NNT: variants seen among roughly 807,000 people sequenced by gnomAD.
The protein encoded by NNT is nicotinamide nucleotide transhydrogenase.
A neutral mutation model predicts 104.8 loss-of-function variants in NNT; 50 were observed. The observed-to-expected ratio is 0.48, with a 90% CI of 0.38 to 0.60. NNT has a LOEUF of 0.60. Among genes scored for constraint, NNT ranks in the 20% least tolerant of loss-of-function variants. The pLI is 0.00. For synonymous variants in NNT, 461 were observed against 490.4 expected, an observed-to-expected ratio of 0.94 and a Z score of 0.79; for missense variants, 1,131 against 1,330.7, an observed-to-expected ratio of 0.85 and a Z score of 2.33.
chr5:43,675,223 TATTA>T (rs1741347292), intron 17 of NNT, among the ~76,000 whole-genome samples: 1 of 152,206 alleles, frequency 6.6e-6, no homozygotes, highest in Admixed American at 6.5e-5. Flanking sequence ...TTCATTAGTT[TATTA>T]ATTTTATTGA....
chr5:43,687,304 A>G (rs559368311), intron 19 of NNT, among the ~76,000 whole-genome samples: 4 of 152,196 alleles, frequency 2.6e-5, no homozygotes, highest in Non-Finnish European at 4.4e-5. Flanking sequence ...TTTTTTAAGC[A>G]TATACATAAT....
At chr5:43,604,016 G>A (rs1749073362) in intron 1 of NNT, among the ~76,000 whole-genome samples, 3 of 152,306 alleles carry the variant, frequency 2.0e-5, no homozygotes, top group East Asian at 1.9e-4. Context: ...TAGCGGTCTC[G>A]TGCAGATGCC....
Position 43,610,057 on chromosome 5 carries a change from A to G in NNT, c.151+711A>G, listed in dbSNP as rs572640406. ...ATTCAAAATTTGCCACTTGCTTCCT[A>G]GCTCTTACAGAGGAAGATCTGAAGT... is the stretch of plus-strand genomic sequence containing the variant. On this transcript the variant is annotated intron_variant, in intron 2 of 21. Transcript: ENST00000344920. Among the ~76,000 whole-genome samples, 46 of 152,274 alleles carry G rather than the reference A, an allele frequency of 3.0e-4. 1 individual carries two copies. The highest frequency in any genetic ancestry group is 2.4e-3 in the Admixed American group (37 of 15,294).
At chr5:43,651,975 G>A (rs1020920144) in intron 13 of NNT, 91 bp downstream of exon 13, 4 of 1,356,554 alleles carry the variant, frequency 2.9e-6, no homozygotes, top group East Asian at 2.3e-5. Flanking sequence ...TCAAAGTATC[G>A]AGCAAATACA....
chr5:43,636,622 A>G (rs1296667784), intron 7 of NNT, among the ~76,000 whole-genome samples: 1 of 152,146 alleles, frequency 6.6e-6, no homozygotes, highest in African/African-American at 2.4e-5. Context: ...TATTGCTTCA[A>G]TTTTTAAAGG....
intron 7 of NNT, among the ~76,000 whole-genome samples, chr5:43,631,056 C>A (rs536512292): frequency 1.3e-5 from 2 of 152,258 alleles, no homozygotes; most frequent in East Asian, 1.9e-4. Context: ...GGAAAACAAG[C>A]CTTCCAAATG....
In NNT at chr5:43,650,212, A is replaced by G. The variant is rs150376913; in HGVS notation, c.1607-265A>G. ...CGCTAGAAAGTTAAAAGAAAGTCCAATTCCAATGCAGAAGGAGAAAAAGTT... is the reference window on the plus strand; with the variant it reads ...CGCTAGAAAGTTAAAAGAAAGTCCAGTTCCAATGCAGAAGGAGAAAAAGTT... On this transcript the variant is annotated intron_variant, in intron 11 of 21. Coordinates refer to ENST00000344920, the MANE Select transcript of NNT (RefSeq NM_182977.3). Among the ~76,000 whole-genome samples the G allele has an allele frequency of 2.4e-4, 36 of 152,364 alleles. No individual in the cohort carries two copies. The East Asian group carries it at 6.0e-3, about 25-fold the overall frequency.
At chr5:43,700,999 A>G (rs1742820895) in intron 20 of NNT, among the ~76,000 whole-genome samples, 1 of 152,200 alleles carries the variant, frequency 6.6e-6, no homozygotes, top group Non-Finnish European at 1.5e-5. Context: ...TTCAGATTCC[A>G]CTGTTGTTAA....
chr5:43,682,105 A>G (rs75065233), intron 19 of NNT, among the ~76,000 whole-genome samples: 10,977 of 151,744 alleles, frequency 0.072, 530 homozygotes, highest in Non-Finnish European at 0.11. Flanking sequence ...CTTGTGTAAT[A>G]TGGCTATAAG....
At chr5:43,610,984 C>A (rs1387495190) in intron 2 of NNT, among the ~76,000 whole-genome samples, 1 of 151,906 alleles carries the variant, frequency 6.6e-6, no homozygotes, top group Non-Finnish European at 1.5e-5. Context: ...AGTTCATTAC[C>A]ATATTGAAAA....
chr5:43,612,929 C>T lies in NNT; in HGVS notation c.173C>T (p.Thr58Ile). Residue 58 changes from threonine (T) to isoleucine (I), a missense_variant, in exon 3 of 22, where the codon ACT (threonine) becomes ATT (isoleucine). Physicochemically the swap from Thr to Ile is moderately conservative, Grantham distance 89. Coordinates refer to ENST00000344920, the MANE Select transcript of NNT (RefSeq NM_182977.3). ...VKPGIPYKQLTVGVPKEIFQN... is the reference protein window; with the variant it reads ...VKPGIPYKQLIVGVPKEIFQN... ...CTAGGAATTCCATATAAGCAACTGACTGTTGGAGTCCCCAAAGAGATATTC... is the reference window on the plus strand; with the variant it reads ...CTAGGAATTCCATATAAGCAACTGATTGTTGGAGTCCCCAAAGAGATATTC... 1 of 1,613,156 alleles carries T rather than the reference C, an allele frequency of 6.2e-7. No individual in the cohort carries two copies. Among genetic ancestry groups the T allele is most frequent in the Non-Finnish European group, 8.5e-7 (1 of 1,179,242 alleles).
intron 6 of NNT, among the ~76,000 whole-genome samples, chr5:43,626,192 C>T (rs1321623817): frequency 3.3e-5 from 5 of 152,050 alleles, no homozygotes; most frequent in African/African-American, 1.2e-4. Context: ...TGAGCTAGTA[C>T]CAATTTCATT....
At chr5:43,681,939 C>T (rs988844146) in intron 19 of NNT, among the ~76,000 whole-genome samples, 2 of 152,150 alleles carry the variant, frequency 1.3e-5, no homozygotes, top group Non-Finnish European at 2.9e-5. Context: ...AGTAAGAATG[C>T]AAGGAGTAGT....
chr5:43,688,791 T>C (rs1742112775), intron 19 of NNT, among the ~76,000 whole-genome samples: 1 of 152,224 alleles, frequency 6.6e-6, no homozygotes, highest in South Asian at 2.1e-4. Context: ...TATCCACTTA[T>C]TGATTGATGG....
At chr5:43,631,502 G>A (rs1750675934) in intron 7 of NNT, among the ~76,000 whole-genome samples, 1 of 152,172 alleles carries the variant, frequency 6.6e-6, no homozygotes, top group Admixed American at 6.5e-5. Flanking sequence ...AGGATTAGAT[G>A]TAACAAGTGG....
intron 7 of NNT, among the ~76,000 whole-genome samples, chr5:43,631,187 G>A (rs956593350): frequency 4.6e-5 from 7 of 152,192 alleles, no homozygotes; most frequent in African/African-American, 1.7e-4. Context: ...GGGGGTTTCG[G>A]CAGGGCTCAG....
rs1390433432 is a variant in NNT at position 43,707,036 on chromosome 5, G to GT, written c.*2633dup. The GT allele has an allele frequency of 6.6e-6, 1 of 151,940 alleles. No homozygotes were observed. The highest frequency in any genetic ancestry group is 2.4e-5 in the African/African-American group (1 of 41,346). The allele number at this position is 151,940 out of a possible 1,614,324, so 9.4% of individuals were successfully genotyped here. ...CCTAATGTAAATGATGAGTTAATGG[G>GT]TGCAGCACACCAACATGGCACATGT... is the stretch of plus-strand genomic sequence containing the variant. On this transcript the variant is annotated 3_prime_UTR_variant, in exon 22 of 22. Transcript: ENST00000344920.
chr5:43,648,745 G>C (rs1739589714), intron 10 of NNT, among the ~76,000 whole-genome samples: 1 of 152,186 alleles, frequency 6.6e-6, no homozygotes, highest in South Asian at 2.1e-4. Context: ...TAAAGGTTGT[G>C]TCTTGCCCAA....
Position 43,705,927 on chromosome 5 carries a change from C to G in NNT, c.*1523C>G, listed in dbSNP as rs1360439986. ...TATTCTATTAGAAGAAAGTAAACAC[C>G]ATCTTTATTCCTGCCCTTTTTCTTC... On this transcript the variant is annotated 3_prime_UTR_variant, in exon 22 of 22. Coordinates refer to ENST00000344920, the MANE Select transcript of NNT (RefSeq NM_182977.3). 1 of 151,966 alleles carries G rather than the reference C, an allele frequency of 6.6e-6. No individual in the cohort carries two copies. Among genetic ancestry groups the G allele is most frequent in the East Asian group, 1.9e-4 (1 of 5,200 alleles). 9.4% of individuals were successfully genotyped at this position (151,966 alleles called of 1,614,324 possible). A position where few individuals can be genotyped will look rare whatever the true frequency, so the allele number is the denominator to read the frequency against.
Sources: allele counts gnomAD v4.1 joint callset (sites outside exome capture counted in the v4.1 genomes callset), GRCh38; gene constraint gnomAD v4.1.1; transcripts MANE v1.5; gene names NCBI Gene and HGNC (gene_info 2026-07-23, HGNC 2026-07-21).